ABHD2: variants seen among roughly 807,000 people sequenced by gnomAD.
The protein encoded by ABHD2 is abhydrolase domain containing 2, acylglycerol lipase.
ABHD2 carries 20 observed loss-of-function variants against 48.1 expected under a neutral mutation model. The ratio of observed to expected loss-of-function variants is 0.42; its 90% CI spans 0.29 to 0.60. The LOEUF (loss-of-function observed/expected upper bound fraction) is 0.60, where lower values mean the gene tolerates loss of function less well. ABHD2 is among the 20% of genes least tolerant of loss of function. The pLI, the probability that ABHD2 is intolerant of heterozygous loss-of-function variation, is 0.24. For missense variants in ABHD2, 405 were observed against 550.9 expected (o/e 0.74, Z 2.65); for synonymous variants, 209 against 214.2 (o/e 0.98, Z 0.21).
the ABHD2 span, among the ~76,000 whole-genome samples, chr15:89,081,969 A>G: frequency 6.6e-6 from 1 of 152,232 alleles, no homozygotes; most frequent in African/African-American, 2.4e-5. Context: ...GCTTCGGCCC[A>G]CAAGGTTTCT....
Position 89,197,329 on chromosome 15 carries a change from T to A in ABHD2, c.*1906T>A, listed in dbSNP as rs535810607. ...GACTTTCCCCCCAGTGTATTATTTC[T>A]CTAATAGGTTTCCTTTTCACGTTCT... On this transcript the variant is annotated 3_prime_UTR_variant, in exon 11 of 11. Transcript: ENST00000352732. The surrounding 1 kb of genome is among the most constrained non-coding windows in gnomAD (Gnocchi z 4.4). 6.5e-6 allele frequency: 1 copy of A among 152,746 alleles called. No individual in the cohort carries two copies. The highest frequency in any genetic ancestry group is 2.1e-4 in the South Asian group (1 of 4,824). The allele number at this position is 152,746 out of a possible 1,614,324, so 9.5% of individuals were successfully genotyped here.
intron 6 of ABHD2, among the ~76,000 whole-genome samples, chr15:89,181,927 G>A (rs4141156): frequency 0.69 from 104,618 of 152,140 alleles, 37,244 homozygotes; most frequent in African/African-American, 0.87. Flanking sequence ...ATTGCCTTCC[G>A]CAACACCTCT....
At chr15:89,178,271 A>C (rs1482198763) in intron 6 of ABHD2, among the ~76,000 whole-genome samples, 1 of 152,216 alleles carries the variant, frequency 6.6e-6, no homozygotes, top group African/African-American at 2.4e-5. Flanking sequence ...AGGTACCCTC[A>C]ACATTTAAAC....
intron 9 of ABHD2, 84 bp downstream of exon 9, chr15:89,191,233 C>A: frequency 1.4e-6 from 2 of 1,403,610 alleles, no homozygotes; most frequent in Non-Finnish European, 2.0e-6. Flanking sequence ...CTGAATTTTC[C>A]TGGTGGAAGC....
intron 6 of ABHD2, among the ~76,000 whole-genome samples, chr15:89,178,090 A>T (rs987010136): frequency 3.9e-5 from 6 of 152,228 alleles, no homozygotes; most frequent in African/African-American, 1.4e-4. Flanking sequence ...CTTCATACAC[A>T]TAACTAACTA....
rs1209948497 is a variant in ABHD2 at position 89,174,380 on chromosome 15, A to G, written c.539-1432A>G. The stretch of plus-strand genomic sequence containing the variant: ...CTATAGATTCCTGGGCTTGGTCCCC[A>G]TCTTACAGAATCAGCTTCTCTGGAG... On this transcript the variant is annotated intron_variant, in intron 5 of 10. Transcript: ENST00000352732. The surrounding 1 kb of genome is among the most constrained non-coding windows in gnomAD (Gnocchi z 4.1). Among the ~76,000 whole-genome samples the G allele has an allele frequency of 1.3e-5, 2 of 152,216 alleles. No individual in the cohort carries two copies. Among genetic ancestry groups the G allele is most frequent in the African/African-American group, 2.4e-5 (1 of 41,466 alleles).
rs543420044 is a variant in ABHD2, at chr15:89,166,936, A to T, written c.539-8876A>T. On this transcript the variant is annotated intron_variant, in intron 5 of 10. Coordinates refer to ENST00000352732, the MANE Select transcript of ABHD2 (RefSeq NM_152924.5). The surrounding 1 kb of genome is among the most constrained non-coding windows in gnomAD (Gnocchi z 4.6). ...CCCATCTCCCTCCATCTAATTACAC[A>T]TTCCAATTGAGACACTTTTGAGAGT... 1.3e-5 allele frequency among the ~76,000 whole-genome samples: 2 copies of T among 152,322 alleles called. No individual in the cohort carries two copies. The highest frequency in any genetic ancestry group is 3.9e-4 in the East Asian group (2 of 5,180).
chr15:89,134,143 A>AT (rs1177721548), intron 3 of ABHD2, among the ~76,000 whole-genome samples: 2 of 151,766 alleles, frequency 1.3e-5, no homozygotes, highest in Non-Finnish European at 2.9e-5. Flanking sequence ...CGGCCGCATA[A>AT]TTTTTTTTAA....
chr15:89,182,290 C>A lies in ABHD2; in HGVS notation c.723-3134C>A, dbSNP rs1015665034. The stretch of plus-strand genomic sequence containing the variant: ...GAAGTTTTGAAACCTACCCTCCTTC[C>A]AGCAAGATTCACTCTGAATTTTGCA... On this transcript the variant is annotated intron_variant, in intron 6 of 10. Transcript: ENST00000352732. The surrounding 1 kb of genome is among the most constrained non-coding windows in gnomAD (Gnocchi z 4.8). Among the ~76,000 whole-genome samples the A allele has an allele frequency of 3.3e-5, 5 of 152,160 alleles. No individual in the cohort carries two copies. The highest frequency in any genetic ancestry group is 9.7e-5 in the African/African-American group (4 of 41,446).
Position 89,201,770 on chromosome 15 carries a change from G to T in ABHD2, c.*6347G>T, listed in dbSNP as rs951567559. ...GCGGGTCGAGGACCAGGATCTGCTC[G>T]TGCTTCGCCGTGGCCCCGGAGGCAG... On this transcript the variant is annotated 3_prime_UTR_variant, in exon 11 of 11. Coordinates refer to ENST00000352732, the MANE Select transcript of ABHD2 (RefSeq NM_152924.5). 3 of 1,507,368 alleles carry T rather than the reference G, an allele frequency of 2.0e-6. No individual in the cohort carries two copies. Among genetic ancestry groups the T allele is most frequent in the Non-Finnish European group, 2.8e-6 (3 of 1,084,782 alleles). 93.4% of individuals were successfully genotyped at this position (1,507,368 alleles called of 1,614,324 possible). A position where few individuals can be genotyped will look rare whatever the true frequency, so the allele number is the denominator to read the frequency against.
chr15:89,132,443 G>T (rs1567082509), intron 3 of ABHD2, among the ~76,000 whole-genome samples: 1 of 152,138 alleles, frequency 6.6e-6, no homozygotes, highest in African/African-American at 2.4e-5. Context: ...GAGAATAAGT[G>T]AAAAAAGCAG....
intron 3 of ABHD2, among the ~76,000 whole-genome samples, chr15:89,143,886 T>A (rs1196781904): frequency 6.6e-6 from 1 of 151,850 alleles, no homozygotes; most frequent in Non-Finnish European, 1.5e-5. Flanking sequence ...ACAGCAACTG[T>A]TGGTGAGGAT....
upstream of ABHD2, chr15:89,082,600 T>G (rs1290511586): frequency 6.6e-6 from 1 of 152,394 alleles, no homozygotes; most frequent in Non-Finnish European, 1.5e-5. This position sits in a 1 kb window ranked among gnomAD's most constrained non-coding sequence, Gnocchi z 4.4. Context: ...CAGAAGAAAT[T>G]GCTGCCTCCT....
In ABHD2 at chr15:89,116,208, T is replaced by A. The variant is rs1232188533; in HGVS notation, c.-6-114T>A. 1.0e-6 allele frequency: 1 copy of A among 987,816 alleles called. No individual in the cohort carries two copies. Among genetic ancestry groups the A allele is most frequent in the African/African-American group, 1.6e-5 (1 of 61,404 alleles). 61.2% of individuals were successfully genotyped at this position (987,816 alleles called of 1,614,324 possible). A position where few individuals can be genotyped will look rare whatever the true frequency, so the allele number is the denominator to read the frequency against. ...TCAGGAGCCTGCGGAAACATCTGAA[T>A]TGTGACACACCGTCACTGGCAGTAT... On this transcript the variant is annotated intron_variant, in intron 2 of 10. Transcript: ENST00000352732. The surrounding 1 kb of genome is among the most constrained non-coding windows in gnomAD (Gnocchi z 4.6).
At chr15:89,172,081 CTACTT>C (rs2050938676) in intron 5 of ABHD2, among the ~76,000 whole-genome samples, 2 of 151,972 alleles carry the variant, frequency 1.3e-5, no homozygotes, top group Admixed American at 6.5e-5. Flanking sequence ...TTGAAGAACA[CTACTT>C]TAGAGAAAAC....
At chr15:89,093,938 C>G (rs567146885) in intron 1 of ABHD2, 1 of 152,270 alleles carries the variant, frequency 6.6e-6, no homozygotes, top group East Asian at 1.9e-4. Context: ...TTTTTTTCCT[C>G]TTTCCTTTGA....
chr15:89,085,827 C>A (rs1394490330), upstream of ABHD2, among the ~76,000 whole-genome samples: 2 of 152,168 alleles, frequency 1.3e-5, no homozygotes, highest in Non-Finnish European at 2.9e-5. The surrounding 1 kb of genome is among the most constrained non-coding windows in gnomAD (Gnocchi z 4.2). Flanking sequence ...CTTTTCAGGG[C>A]CTAACAAGAC....
chr15:89,135,802 A>T, intron 3 of ABHD2: 1 of 793,440 alleles, frequency 1.3e-6, no homozygotes, highest in Non-Finnish European at 2.3e-6. Context: ...TTGCAACATC[A>T]TTAGTGGACA....
chr15:89,171,911 CA>C (rs935503083), intron 5 of ABHD2, among the ~76,000 whole-genome samples: 1 of 152,112 alleles, frequency 6.6e-6, no homozygotes, highest in Non-Finnish European at 1.5e-5. Flanking sequence ...AGGCCCCAGG[CA>C]TTAGTATGGG....
Sources: gnomAD v4.1 joint callset for allele counts (sites outside exome capture counted in the v4.1 genomes callset) on GRCh38, gnomAD v4.1.1 for gene constraint, Gnocchi (gnomAD v3.1) non-coding constraint, MANE v1.5 for transcripts, NCBI Gene and HGNC (gene_info 2026-07-23, HGNC 2026-07-21) for gene names.